VPS13A: variants seen among roughly 807,000 people sequenced by gnomAD.
VPS13A encodes the protein vacuolar protein sorting 13 homolog A.
VPS13A carries 264 observed loss-of-function variants against 390.9 expected under a neutral mutation model. That is an observed-to-expected ratio of 0.68 (90% CI 0.61 to 0.75). VPS13A has a LOEUF of 0.75. VPS13A is among the 30% of genes least tolerant of loss of function. The pLI is 0.00. For missense variants in VPS13A, 3,409 were observed against 3,733.9 expected (o/e 0.91, Z 2.27); for synonymous variants, 1,231 against 1,227.1 (o/e 1.00, Z -0.07).
intron 1 of VPS13A, among the ~76,000 whole-genome samples, chr9:77,179,921 T>G (rs1035983963): frequency 6.6e-6 from 1 of 152,144 alleles, no homozygotes; most frequent in Non-Finnish European, 1.5e-5. Flanking sequence ...TCTTTATGGA[T>G]TTGGTAATTC....
intron 13 of VPS13A, among the ~76,000 whole-genome samples, chr9:77,225,249 A>G (rs781048795): frequency 1.3e-5 from 2 of 152,114 alleles, no homozygotes; most frequent in African/African-American, 2.4e-5. Context: ...ACATAATATG[A>G]AGGATTTACG....
At chr9:77,406,116 T>C in intron 70 of VPS13A, 129 bp downstream of exon 70, 1 of 1,227,370 alleles carries the variant, frequency 8.1e-7, no homozygotes, top group Non-Finnish European at 1.2e-6. Context: ...TTTTCCCTTA[T>C]ACCTGCTATC....
chr9:77,400,396 T>C (rs1284606836), intron 68 of VPS13A, among the ~76,000 whole-genome samples: 1 of 152,096 alleles, frequency 6.6e-6, no homozygotes, highest in Admixed American at 6.5e-5. Context: ...TGTCCTTTGA[T>C]TTTTCTGTTA....
rs1422028802 is a variant in VPS13A, at chr9:77,293,466, C to T, written c.3465C>T (p.Cys1155=). Residue 1155 remains cysteine (C), a synonymous_variant, in exon 32 of 72, where the codon TGC becomes TGT. Transcript: ENST00000360280. ...TTCAGGTTAATTTAATAGTTGGTTG[C>T]ATTGAAGTAGTTTTTGTCACGAAAT... ...VDIQVNLIVG[C]IEVVFVTKFL... 6.3e-7 allele frequency: 1 copy of T among 1,599,294 alleles called. No homozygotes were observed. The highest frequency in any genetic ancestry group is 8.5e-7 in the Non-Finnish European group (1 of 1,173,364).
intron 20 of VPS13A, among the ~76,000 whole-genome samples, chr9:77,247,797 A>C (rs1022117240): frequency 6.6e-6 from 1 of 152,120 alleles, no homozygotes; most frequent in African/African-American, 2.4e-5. Flanking sequence ...AGTATCTGGG[A>C]TTACATGTGC....
intron 67 of VPS13A, among the ~76,000 whole-genome samples, chr9:77,378,679 A>G (rs1309871093): frequency 6.7e-6 from 1 of 150,200 alleles, no homozygotes; most frequent in Admixed American, 6.6e-5. Context: ...TATTTTTTCT[A>G]TTCTCTATTT....
At chr9:77,274,887 TA>T (rs1386460208) in intron 24 of VPS13A, among the ~76,000 whole-genome samples, 1 of 152,164 alleles carries the variant, frequency 6.6e-6, no homozygotes, top group Non-Finnish European at 1.5e-5. Context: ...TTGTTTCATT[TA>T]AACCTAGTTT....
intron 45 of VPS13A, 58 bp from the exon 46 acceptor site, chr9:77,331,951 TA>T: frequency 8.5e-7 from 1 of 1,180,834 alleles, no homozygotes; most frequent in East Asian, 2.4e-5. Flanking sequence ...ATATTTTTTT[TA>T]CACATCTTTA....
Position 77,371,837 on chromosome 9 carries a change from T to G in VPS13A, c.9077+688T>G, listed in dbSNP as rs1008432710. Among the ~76,000 whole-genome samples, 649 of 119,410 alleles carry G rather than the reference T, an allele frequency of 5.4e-3. 8 individuals carry two copies. Among genetic ancestry groups the G allele is most frequent in the African/African-American group, 0.02 (625 of 31,198 alleles). The allele number at this position is 119,410 out of a possible 152,430, so 78.3% of individuals were successfully genotyped here. A position where few individuals can be genotyped will look rare whatever the true frequency, so the allele number is the denominator to read the frequency against. Reference sequence around the variant, plus strand: ...CCCTCCCCCCACCCCACCTGTGATATTCCCCTTCCTGTGTCCATGTGATCT... The same window carrying G: ...CCCTCCCCCCACCCCACCTGTGATAGTCCCCTTCCTGTGTCCATGTGATCT... On this transcript the variant is annotated intron_variant, in intron 67 of 71. Coordinates refer to ENST00000360280, the MANE Select transcript of VPS13A (RefSeq NM_033305.3).
Position 77,332,122 on chromosome 9 carries a change from T to C in VPS13A, c.6095+9T>C. ...CCATTAGGATCTTACCGGTATTTTG[T>C]CTTTATCATTTTATTTACTCTAAAA... On this transcript the variant is annotated intron_variant, in intron 46 of 71. Coordinates refer to ENST00000360280, the MANE Select transcript of VPS13A (RefSeq NM_033305.3). 3.8e-6 allele frequency: 6 copies of C among 1,593,670 alleles called. No individual in the cohort carries two copies. The highest frequency in any genetic ancestry group is 5.2e-6 in the Non-Finnish European group (6 of 1,162,020).
At chr9:77,236,304 G>C (rs1261419225) in intron 17 of VPS13A, among the ~76,000 whole-genome samples, 1 of 152,090 alleles carries the variant, frequency 6.6e-6, no homozygotes, top group Non-Finnish European at 1.5e-5. Context: ...TTATTTTCCT[G>C]GTTTTCTTTA....
chr9:77,251,716 T>C lies in VPS13A; in HGVS notation c.2171-519T>C, dbSNP rs570201682. 3.9e-5 allele frequency among the ~76,000 whole-genome samples: 6 copies of C among 152,270 alleles called. No individual in the cohort carries two copies. The South Asian group carries it at 1.2e-3, about 32-fold the overall frequency. ...GGTCTCAGTTATTTAACCATTCCCT[T>C]ATGGAACATTTAGGCTCGTAACTCT... On this transcript the variant is annotated intron_variant, in intron 21 of 71. Coordinates refer to ENST00000360280, the MANE Select transcript of VPS13A (RefSeq NM_033305.3).
intron 68 of VPS13A, among the ~76,000 whole-genome samples, chr9:77,396,913 A>G (rs904616887): frequency 2.6e-5 from 4 of 152,212 alleles, no homozygotes; most frequent in Non-Finnish European, 4.4e-5. Context: ...CAAATTAACC[A>G]GTCTATAAAA....
At chr9:77,350,462 T>A (rs1831390664) in intron 52 of VPS13A, among the ~76,000 whole-genome samples, 2 of 151,272 alleles carry the variant, frequency 1.3e-5, no homozygotes, top group Non-Finnish European at 2.9e-5. Flanking sequence ...GTCTGAGTTA[T>A]TTTTTTAGTA....
intron 45 of VPS13A, among the ~76,000 whole-genome samples, chr9:77,330,348 C>T (rs1436475319): frequency 6.6e-6 from 1 of 152,140 alleles, no homozygotes; most frequent in African/African-American, 2.4e-5. Flanking sequence ...CTTCCTTTTC[C>T]TCTGCTCCCT....
chr9:77,221,047 A>C (rs1244164551), intron 12 of VPS13A, 138 bp from the exon 13 acceptor site: 1 of 837,852 alleles, frequency 1.2e-6, no homozygotes, highest in African/African-American at 1.7e-5. Flanking sequence ...GAGTTGGGTA[A>C]AAAGGAAGTA....
intron 31 of VPS13A, among the ~76,000 whole-genome samples, chr9:77,291,889 A>G (rs1280201452): frequency 6.6e-6 from 1 of 152,064 alleles, no homozygotes; most frequent in African/African-American, 2.4e-5. Flanking sequence ...CGTATTTCCT[A>G]TGTGGGATTG....
At position 77,308,038 on chromosome 9, in the gene VPS13A, A is replaced by G. The variant is rs916051485; in HGVS notation, c.4054A>G (p.Thr1352Ala). Reference protein sequence around the residue: ...EKDGSASPAVTKDQYSATSGV... With the variant: ...EKDGSASPAVAKDQYSATSGV... ...AGATGGTAGTGCCTCACCTGCTGTA[A>G]CAAAAGACCAATACAGTGCCACTAG... The change falls in exon 35 of 72, where the codon ACA becomes GCA. Residue 1352 changes from threonine to alanine, a missense_variant. By Grantham distance (58) the Thr-to-Ala change is moderately conservative. Around this residue, in one of 5 missense-constraint regions of VPS13A, gnomAD observed 2,717 missense variants for 2,917.4 expected, o/e 0.93. Coordinates refer to ENST00000360280, the MANE Select transcript of VPS13A (RefSeq NM_033305.3). 2 of 1,613,938 alleles carry G rather than the reference A, an allele frequency of 1.2e-6. No individual in the cohort carries two copies. The highest frequency in any genetic ancestry group is 1.7e-6 in the Non-Finnish European group (2 of 1,179,886).
At chr9:77,401,805 C>T (rs1044276459) in intron 68 of VPS13A, among the ~76,000 whole-genome samples, 1 of 152,146 alleles carries the variant, frequency 6.6e-6, no homozygotes, top group Non-Finnish European at 1.5e-5. Flanking sequence ...CATGGCCAAC[C>T]ATGGTTTGAA....
Sources: allele counts gnomAD v4.1 joint callset (sites outside exome capture counted in the v4.1 genomes callset), GRCh38; gene constraint gnomAD v4.1.1; regional missense constraint gnomAD v4.1.1; transcripts MANE v1.5; gene names NCBI Gene and HGNC (gene_info 2026-07-23, HGNC 2026-07-21).